STPG2: variants seen among roughly 807,000 people sequenced by gnomAD.
STPG2 encodes sperm-tail PG-rich repeat-containing protein 2.
In STPG2, 56 loss-of-function variants were observed where a neutral mutation model predicts 54.2. The ratio of observed to expected loss-of-function variants is 1.03; its 90% confidence interval spans 0.83 to 1.29. The LOEUF (loss-of-function observed/expected upper bound fraction) is 1.29, where lower values mean the gene tolerates loss of function less well. Ranked by LOEUF, STPG2 falls within the 50% of genes most tolerant of loss-of-function variation. The pLI is 0.00. For synonymous variants in STPG2, 200 were observed against 181.8 expected (o/e 1.10, Z -0.81); for missense variants, 596 against 544.9 (o/e 1.09, Z -0.93).
At chr4:97,983,605 A>T (rs1450884784) in intron 5 of STPG2, among the ~76,000 whole-genome samples, 1 of 152,078 alleles carries the variant, frequency 6.6e-6, no homozygotes, top group Non-Finnish European at 1.5e-5. Context: ...TCTCGTTTAG[A>T]ACTTACTTTC....
At chr4:97,589,683 C>T (rs955417422) in intron 10 of STPG2, among the ~76,000 whole-genome samples, 1 of 152,132 alleles carries the variant, frequency 6.6e-6, no homozygotes, top group Non-Finnish European at 1.5e-5. Flanking sequence ...CAGTAATGTG[C>T]CACGTCATGA....
chr4:97,880,525 T>G (rs1730332164), intron 8 of STPG2, among the ~76,000 whole-genome samples: 2 of 151,952 alleles, frequency 1.3e-5, no homozygotes, highest in African/African-American at 4.8e-5. Flanking sequence ...TAGTTCAGAG[T>G]CCCTTACAAT....
At chr4:97,729,003 G>C (rs994679213) in intron 9 of STPG2, among the ~76,000 whole-genome samples, 1 of 150,412 alleles carries the variant, frequency 6.6e-6, no homozygotes, top group Non-Finnish European at 1.5e-5. Flanking sequence ...GAAAGAGACA[G>C]AGACAAAGAC....
chr4:97,525,613 C>G (rs1731265332), intron 4 of STPG2, among the ~76,000 whole-genome samples: 2 of 151,920 alleles, frequency 1.3e-5, no homozygotes, highest in South Asian at 4.1e-4. Flanking sequence ...ATTCATACTG[C>G]TCAGGAGCCA....
At chr4:97,760,075 G>A (rs1019876369) in intron 9 of STPG2, among the ~76,000 whole-genome samples, 45 of 152,084 alleles carry the variant, frequency 3.0e-4, no homozygotes, top group African/African-American at 1.1e-3. Context: ...ATTATATTAT[G>A]GGCTATCGCT....
intron 4 of STPG2, among the ~76,000 whole-genome samples, chr4:97,525,325 G>C (rs901574259): frequency 3.3e-5 from 5 of 151,808 alleles, no homozygotes; most frequent in Non-Finnish European, 7.4e-5. Context: ...ATAGTACCCA[G>C]AGTTTACACA....
At chr4:98,064,179 T>C (rs1737752341) in intron 5 of STPG2, among the ~76,000 whole-genome samples, 1 of 152,190 alleles carries the variant, frequency 6.6e-6, no homozygotes, top group Non-Finnish European at 1.5e-5. Context: ...AGTTAAATTA[T>C]AAAAGTCAAC....
intron 8 of STPG2, among the ~76,000 whole-genome samples, chr4:97,919,798 ACT>A (rs1404185799): frequency 2.0e-5 from 3 of 152,088 alleles, no homozygotes; most frequent in African/African-American, 7.2e-5. Context: ...TCAGGGGGAT[ACT>A]CTTTTTTAAG....
At chr4:97,805,703 C>A (rs1298550406) in intron 9 of STPG2, among the ~76,000 whole-genome samples, 3 of 151,878 alleles carry the variant, frequency 2.0e-5, no homozygotes. Context: ...AAACTTTTCT[C>A]CCATTCTGTA....
intron 8 of STPG2, among the ~76,000 whole-genome samples, chr4:97,886,627 C>A (rs1408832796): frequency 1.3e-5 from 2 of 152,122 alleles, no homozygotes; most frequent in Non-Finnish European, 2.9e-5. Context: ...AAGACTATGC[C>A]TTCTTTTTTC....
chr4:97,538,325 C>T (rs975150973), intron 4 of STPG2, among the ~76,000 whole-genome samples: 13 of 152,104 alleles, frequency 8.5e-5, no homozygotes, highest in Non-Finnish European at 1.5e-4. Context: ...ATGAGAACAA[C>T]CGATGCAGAG....
chr4:97,498,471 TATTTA>T (rs1391971613), intron 4 of STPG2, among the ~76,000 whole-genome samples: 1 of 151,974 alleles, frequency 6.6e-6, no homozygotes, highest in African/African-American at 2.4e-5. Flanking sequence ...ATTTTGTTGT[TATTTA>T]ATTATAAAAG....
intron 10 of STPG2, among the ~76,000 whole-genome samples, chr4:97,654,503 G>C (rs562565615): frequency 3.9e-5 from 6 of 152,056 alleles, no homozygotes; most frequent in East Asian, 1.9e-4. Context: ...ATTTACAATT[G>C]CAACTCTACC....
intron 6 of STPG2, among the ~76,000 whole-genome samples, chr4:97,977,455 A>C (rs1485722793): frequency 1.3e-5 from 2 of 152,130 alleles, no homozygotes; most frequent in African/African-American, 4.8e-5. Context: ...TAGCCTTTGC[A>C]CCTGAATAAA....
At chr4:97,768,330 G>A (rs1024833154) in intron 9 of STPG2, among the ~76,000 whole-genome samples, 3 of 152,102 alleles carry the variant, frequency 2.0e-5, no homozygotes, top group Non-Finnish European at 4.4e-5. Context: ...GAGAAAAGGA[G>A]ACTTTATTTT....
At chr4:97,556,990 G>A (rs2148870997), downstream of STPG2, among the ~76,000 whole-genome samples, 1 of 152,222 alleles carries the variant, frequency 6.6e-6, no homozygotes, top group East Asian at 1.9e-4. Context: ...AGACCATCCT[G>A]GTCAACAAGG....
chr4:98,002,489 C>T (rs1735441754), intron 5 of STPG2, among the ~76,000 whole-genome samples: 1 of 151,924 alleles, frequency 6.6e-6, no homozygotes, highest in African/African-American at 2.4e-5. Context: ...AGGAAAGTAG[C>T]TCAGCTGGCC....
At chr4:97,794,022 T>C (rs912410641) in intron 9 of STPG2, among the ~76,000 whole-genome samples, 3 of 152,196 alleles carry the variant, frequency 2.0e-5, no homozygotes, top group South Asian at 2.1e-4. Flanking sequence ...TTGTAACTAA[T>C]AGGTAAAGCC....
intron 10 of STPG2, among the ~76,000 whole-genome samples, chr4:97,581,360 T>C (rs901237239): frequency 6.6e-6 from 1 of 152,132 alleles, no homozygotes; most frequent in African/African-American, 2.4e-5. Flanking sequence ...TCTCTGCTTT[T>C]ACCCATTAGC....
Sources: gnomAD v4.1 joint callset for allele counts (sites outside exome capture counted in the v4.1 genomes callset) on GRCh38, gnomAD v4.1.1 for gene constraint, MANE v1.5 for transcripts, NCBI Gene and HGNC (gene_info 2026-07-23, HGNC 2026-07-21) for gene names.